NRAP: variants seen among roughly 807,000 people sequenced by gnomAD.
The protein encoded by NRAP is nebulin-related-anchoring protein.
In NRAP, 189 loss-of-function variants were observed where a neutral mutation model predicts 225.9. The ratio of observed to expected loss-of-function variants is 0.84; its 90% CI spans 0.74 to 0.94. The LOEUF is 0.94. Among genes scored for constraint, NRAP ranks in the 40% least tolerant of loss-of-function variants. The probability of loss-of-function intolerance (pLI) is 0.00; values close to 1 mark genes in which losing one functional copy is unlikely to be tolerated. For synonymous variants in NRAP, 769 were observed against 790.7 expected (o/e 0.97, Z 0.46); for missense variants, 2,176 against 2,168.7 (o/e 1.00, Z -0.07).
At chr10:113,598,330 T>C (rs1564698688) in intron 35 of NRAP, among the ~76,000 whole-genome samples, 2 of 148,162 alleles carry the variant, frequency 1.3e-5, no homozygotes, top group Admixed American at 1.4e-4. Context: ...AAAGCGAGAG[T>C]AACAACCTAT....
intron 7 of NRAP, 46 bp downstream of exon 7, chr10:113,651,756 CA>C: frequency 2.7e-6 from 3 of 1,111,758 alleles, no homozygotes; most frequent in Non-Finnish European, 4.1e-6. Context: ...GATGAGGAAT[CA>C]ACCCAAATGC....
intron 2 of NRAP, 91 bp from the exon 3 acceptor site, chr10:113,662,857 G>T: frequency 3.4e-5 from 19 of 554,768 alleles, no homozygotes; most frequent in Admixed American, 3.7e-5. Context: ...AATAATAACA[G>T]TTATTTTTAA....
In NRAP at chr10:113,634,093, G is replaced by A; in HGVS notation, c.1527+19C>T. On this transcript the variant is annotated intron_variant, in intron 15 of 41. Transcript: ENST00000359988. ...ATTTCAAGACCCCTACATCCAGCTG[G>A]GCAGGGACAGTTACTTACATGACTC... 1 of 1,556,400 alleles carries A rather than the reference G, an allele frequency of 6.4e-7. No individual in the cohort carries two copies. The highest frequency in any genetic ancestry group is 8.9e-7 in the Non-Finnish European group (1 of 1,127,570).
chr10:113,619,103 TA>T (rs1248375697), intron 25 of NRAP, among the ~76,000 whole-genome samples: 1 of 152,138 alleles, frequency 6.6e-6, no homozygotes, highest in African/African-American at 2.4e-5. Flanking sequence ...TCAAAGAGGA[TA>T]AGCAAATTTG....
chr10:113,614,676 A>C (rs1248950355), intron 28 of NRAP, among the ~76,000 whole-genome samples, 163 bp downstream of exon 28: 3 of 152,176 alleles, frequency 2.0e-5, no homozygotes, highest in Non-Finnish European at 4.4e-5. Flanking sequence ...TTTTGTTGCA[A>C]GATATGTTCT....
chr10:113,634,911 C>T (rs1398020159), intron 14 of NRAP, among the ~76,000 whole-genome samples: 3 of 152,146 alleles, frequency 2.0e-5, no homozygotes, highest in African/African-American at 4.8e-5. Flanking sequence ...TTGTAGGTGG[C>T]CCTAACATGT....
At chr10:113,649,903 G>A (rs1055416558) in intron 9 of NRAP, 134 bp downstream of exon 9, 1 of 615,160 alleles carries the variant, frequency 1.6e-6, no homozygotes, top group Non-Finnish European at 2.9e-6. Flanking sequence ...TTCTATCTTG[G>A]AAAATCTACC....
At chr10:113,645,370 T>C (rs1246057891) in intron 11 of NRAP, among the ~76,000 whole-genome samples, 1 of 152,128 alleles carries the variant, frequency 6.6e-6, no homozygotes, top group Non-Finnish European at 1.5e-5. Context: ...ATCTGTTCTT[T>C]GAAACCAGTA....
intron 18 of NRAP, 149 bp downstream of exon 18, chr10:113,631,360 C>CAAAA: frequency 1.7e-6 from 1 of 572,076 alleles, no homozygotes; most frequent in Non-Finnish European, 3.1e-6. Flanking sequence ...ACAAATAAAC[C>CAAAA]AAACAAACTT....
chr10:113,599,855 C>CT (rs1389400800), intron 35 of NRAP, among the ~76,000 whole-genome samples: 1 of 152,252 alleles, frequency 6.6e-6, no homozygotes, highest in Admixed American at 6.5e-5. Context: ...GGCAGCCTCA[C>CT]TTTTTTTCCC....
intron 6 of NRAP, among the ~76,000 whole-genome samples, 170 bp downstream of exon 6, chr10:113,652,765 A>C (rs1228955354): frequency 1.3e-5 from 2 of 152,214 alleles, no homozygotes; most frequent in East Asian, 1.9e-4. Flanking sequence ...CAATCACAGC[A>C]CAGAGAATAC....
intron 18 of NRAP, 25 bp from the exon 19 acceptor site, chr10:113,629,810 G>A (rs372803609): frequency 5.1e-5 from 77 of 1,516,294 alleles, no homozygotes; most frequent in South Asian, 2.5e-4. Context: ...AACAAGGCCC[G>A]TTTTGTTAGT....
At position 113,603,432 on chromosome 10, in the gene NRAP, C is replaced by G. The variant is rs114772684; in HGVS notation, c.4227+1177G>C. On this transcript the variant is annotated intron_variant, in intron 35 of 41. Coordinates refer to ENST00000359988, the MANE Select transcript of NRAP (RefSeq NM_198060.4). ...CATGGCTCCCTGCTCTGAGCTCCCC[C>G]CAAGAGAGCAGGATGGTTAAGAATG... Among the ~76,000 whole-genome samples the G allele has an allele frequency of 6.2e-3, 940 of 152,120 alleles. 9 individuals are homozygous for G. The highest frequency in any genetic ancestry group is 0.021 in the African/African-American group (875 of 41,482).
chr10:113,642,846 TC>T, intron 12 of NRAP, 87 bp downstream of exon 12: 1 of 747,986 alleles, frequency 1.3e-6, no homozygotes, highest in Non-Finnish European at 2.4e-6. Flanking sequence ...GACACATAGA[TC>T]CATTCCCATA....
chr10:113,592,400 T>C, intron 38 of NRAP, 99 bp from the exon 39 acceptor site: 2 of 727,100 alleles, frequency 2.8e-6, no homozygotes, highest in South Asian at 1.9e-5. Context: ...CTTTGTTGGT[T>C]CCTAGGACGG....
chr10:113,633,867 A>G (rs926378143), intron 15 of NRAP, among the ~76,000 whole-genome samples: 1 of 152,202 alleles, frequency 6.6e-6, no homozygotes, highest in Non-Finnish European at 1.5e-5. Flanking sequence ...GGTGGCCATG[A>G]GTTGATGGCT....
intron 38 of NRAP, among the ~76,000 whole-genome samples, chr10:113,594,259 A>G (rs1846157393): frequency 6.6e-6 from 1 of 152,178 alleles, no homozygotes; most frequent in Admixed American, 6.5e-5. Flanking sequence ...CTCACAGAGC[A>G]CTTGATCCAA....
In NRAP at chr10:113,604,598, G is replaced by GCCA; in HGVS notation, c.4227+8_4227+10dup. ...TGGGGGCTGGTTTGCATTCCACAAG[G>GCCA]CCACCCCTACCTCACTCTGCAGGGC... On this transcript the variant is annotated intron_variant, in intron 35 of 41. Transcript: ENST00000359988. 2 of 1,606,540 alleles carry GCCA rather than the reference G, an allele frequency of 1.2e-6. No individual in the cohort carries two copies.
intron 3 of NRAP, among the ~76,000 whole-genome samples, chr10:113,659,815 A>G (rs1325445437): frequency 6.6e-6 from 1 of 152,152 alleles, no homozygotes; most frequent in East Asian, 1.9e-4. Flanking sequence ...TAAAATCTCT[A>G]CTTTTCTCCT....
Sources: gnomAD v4.1 joint callset for allele counts (sites outside exome capture counted in the v4.1 genomes callset) on GRCh38, gnomAD v4.1.1 for gene constraint, MANE v1.5 for transcripts, NCBI Gene and HGNC (gene_info 2026-07-23, HGNC 2026-07-21) for gene names.